MSH4: variants seen among roughly 807,000 people sequenced by gnomAD.
MSH4 encodes mutS protein homolog 4.
Under a neutral mutation model 113.7 loss-of-function variants are expected in MSH4, and 106 were observed. That is an observed-to-expected ratio of 0.93 (90% CI 0.80 to 1.10). MSH4 has a LOEUF of 1.10. Among genes scored for constraint, MSH4 ranks in the 50% least tolerant of loss-of-function variants. The pLI is 0.00. For synonymous variants in MSH4, 368 were observed against 380.2 expected, an observed-to-expected ratio of 0.97 and a Z score of 0.37; for missense variants, 1,061 against 1,093.7, an observed-to-expected ratio of 0.97 and a Z score of 0.42.
At chr1:75,814,101 C>T (rs1650245084) in intron 4 of MSH4, among the ~76,000 whole-genome samples, 1 of 151,794 alleles carries the variant, frequency 6.6e-6, no homozygotes, top group South Asian at 2.1e-4. Context: ...TTTTCTTAAC[C>T]ATCAGTTTTA....
chr1:75,835,599 C>G (rs1263185798), intron 7 of MSH4, among the ~76,000 whole-genome samples: 1 of 152,164 alleles, frequency 6.6e-6, no homozygotes, highest in East Asian at 1.9e-4. Flanking sequence ...CATCTGTTCC[C>G]TGGATCCCAT....
At chr1:75,900,085 T>A (rs1652475577) in intron 19 of MSH4, among the ~76,000 whole-genome samples, 1 of 152,106 alleles carries the variant, frequency 6.6e-6, no homozygotes, top group Non-Finnish European at 1.5e-5. Flanking sequence ...GCTTTTCTAC[T>A]CATCATATGT....
chr1:75,889,507 A>G, intron 16 of MSH4, 138 bp downstream of exon 16: 1 of 422,170 alleles, frequency 2.4e-6, no homozygotes, highest in South Asian at 5.0e-5. Context: ...GCAGTCAAAG[A>G]CAGCCTCCTA....
chr1:75,810,516 A>C (rs1650169452), intron 3 of MSH4, among the ~76,000 whole-genome samples, 181 bp from the exon 4 acceptor site: 1 of 150,202 alleles, frequency 6.7e-6, no homozygotes, highest in South Asian at 2.1e-4. Context: ...CAGCCTCCCA[A>C]AGTGCTGGGA....
chr1:75,890,781 T>C lies in MSH4; in HGVS notation c.2312T>C (p.Ile771Thr), dbSNP rs1652234742. The C allele has an allele frequency of 6.2e-7, 1 of 1,609,260 alleles. No homozygotes were observed. The highest frequency in any genetic ancestry group is 1.7e-5 in the Admixed American group (1 of 59,420). Residue 771 changes from isoleucine to threonine, a missense_variant, in exon 17 of 20, where the codon ATT becomes ACT. By Grantham distance (89) the Ile-to-Thr change is moderately conservative. Transcript: ENST00000263187. ...AGAGGTACTAATACGGAAGAAGGTA[T>C]TGGCATTTGTTATGCTGTTTGTGAA... is the stretch of plus-strand genomic sequence containing the variant. Reference protein sequence around the residue: ...LGRGTNTEEGIGICYAVCEYL... With the variant: ...LGRGTNTEEGTGICYAVCEYL...
intron 17 of MSH4, among the ~76,000 whole-genome samples, chr1:75,892,573 A>G (rs143970572): frequency 7.4e-4 from 113 of 152,330 alleles, no homozygotes; most frequent in African/African-American, 2.7e-3. Context: ...GATTTTATAT[A>G]TGATACTTCC....
intron 8 of MSH4, among the ~76,000 whole-genome samples, chr1:75,852,641 A>C (rs1452905447): frequency 2.0e-5 from 3 of 152,072 alleles, no homozygotes; most frequent in Non-Finnish European, 4.4e-5. Context: ...ATCTTTTTAC[A>C]TGCTTATTGG....
At chr1:75,799,708 A>G (rs750903704) in intron 1 of MSH4, among the ~76,000 whole-genome samples, 3 of 152,220 alleles carry the variant, frequency 2.0e-5, no homozygotes, top group African/African-American at 4.8e-5. Flanking sequence ...GAATGTAGAT[A>G]TAGTTGTGAG....
At chr1:75,837,869 A>G (rs550063962) in intron 7 of MSH4, among the ~76,000 whole-genome samples, 39 of 152,104 alleles carry the variant, frequency 2.6e-4, no homozygotes, top group Admixed American at 2.5e-3. Context: ...TTCTATCCCC[A>G]TGGCTGCCAC....
At chr1:75,799,342 T>G (rs1295787535) in intron 1 of MSH4, among the ~76,000 whole-genome samples, 2 of 152,158 alleles carry the variant, frequency 1.3e-5, no homozygotes, top group Admixed American at 1.3e-4. Context: ...AAGGTTCAAA[T>G]TATGTTAGCA....
chr1:75,821,902 T>C (rs1208828555), intron 6 of MSH4, among the ~76,000 whole-genome samples: 1 of 152,168 alleles, frequency 6.6e-6, no homozygotes, highest in Non-Finnish European at 1.5e-5. Context: ...TGAGCAACCG[T>C]GCGTGGCCCA....
intron 9 of MSH4, among the ~76,000 whole-genome samples, chr1:75,874,072 C>T (rs1482628207): frequency 2.0e-5 from 3 of 152,162 alleles, no homozygotes; most frequent in Admixed American, 6.5e-5. Flanking sequence ...TCTCTACAAG[C>T]TCACCAGCAT....
chr1:75,816,018 A>C (rs1278974209), intron 5 of MSH4, among the ~76,000 whole-genome samples: 6 of 152,110 alleles, frequency 3.9e-5, no homozygotes, highest in Admixed American at 6.6e-5. Context: ...AAAATAAATA[A>C]ATAAATAAAG....
At chr1:75,873,734 A>G (rs1651759629) in intron 9 of MSH4, among the ~76,000 whole-genome samples, 1 of 150,862 alleles carries the variant, frequency 6.6e-6, no homozygotes, top group African/African-American at 2.5e-5. Context: ...CCTGCAAAAG[A>G]CATGATCTTG....
At chr1:75,820,596 T>A (rs200103369) in intron 6 of MSH4, among the ~76,000 whole-genome samples, 1 of 152,196 alleles carries the variant, frequency 6.6e-6, no homozygotes, top group Non-Finnish European at 1.5e-5. Context: ...GATTTTCTAG[T>A]TTATTTGCAT....
chr1:75,863,511 T>C (rs1454747605), intron 8 of MSH4, among the ~76,000 whole-genome samples: 2 of 152,188 alleles, frequency 1.3e-5, no homozygotes, highest in Non-Finnish European at 2.9e-5. Flanking sequence ...TCTGTTTCTC[T>C]GTAAAGCAAT....
chr1:75,821,952 T>G (rs756846166), intron 6 of MSH4, among the ~76,000 whole-genome samples: 18 of 152,100 alleles, frequency 1.2e-4, no homozygotes, highest in Non-Finnish European at 2.4e-4. Context: ...CCTACTGAAT[T>G]AGAAATTTAT....
At chr1:75,866,770 C>T (rs1430245290) in intron 8 of MSH4, among the ~76,000 whole-genome samples, 1 of 151,642 alleles carries the variant, frequency 6.6e-6, no homozygotes, top group African/African-American at 2.4e-5. Flanking sequence ...CATCTGAGGT[C>T]AGGAGTTCGA....
chr1:75,867,619 T>C (rs1242978281), intron 9 of MSH4, 31 bp downstream of exon 9: 3 of 1,343,022 alleles, frequency 2.2e-6, no homozygotes, highest in Non-Finnish European at 3.1e-6. Flanking sequence ...GTACAAAACA[T>C]GTCCAGCATT....
Sources: allele counts gnomAD v4.1 joint callset (sites outside exome capture counted in the v4.1 genomes callset), GRCh38; gene constraint gnomAD v4.1.1; transcripts MANE v1.5; gene names NCBI Gene and HGNC (gene_info 2026-07-23, HGNC 2026-07-21).